The following SLC24A3 variants were observed in gnomAD, a reference collection of about 807,000 sequenced individuals.
SLC24A3 encodes the protein sodium/potassium/calcium exchanger 3.
In SLC24A3, 28 loss-of-function variants were observed where a neutral mutation model predicts 75.8. The observed-to-expected ratio is 0.37, with a 90% confidence interval of 0.27 to 0.51. The LOEUF is 0.51. Ranked by LOEUF, SLC24A3 falls within the 20% of genes least tolerant of loss-of-function variation. The pLI, the probability that SLC24A3 is intolerant of heterozygous loss-of-function variation, is 0.94. For missense variants in SLC24A3, 663 were observed against 847.8 expected (o/e 0.78, Z 2.71); for synonymous variants, 372 against 334.1 (o/e 1.11, Z -1.24).
intron 6 of SLC24A3, among the ~76,000 whole-genome samples, chr20:19,599,034 T>G (rs913605530): frequency 3.3e-5 from 5 of 152,296 alleles, no homozygotes; most frequent in African/African-American, 1.2e-4. Flanking sequence ...GATGTGAAAT[T>G]ACATGCATGA....
chr20:19,484,032 A>G (rs1988095226), intron 2 of SLC24A3, among the ~76,000 whole-genome samples: 2 of 152,200 alleles, frequency 1.3e-5, no homozygotes, highest in South Asian at 2.1e-4. Flanking sequence ...ATATTTGCAC[A>G]CCTATGTTAA....
chr20:19,714,843 A>G (rs2033027590), intron 15 of SLC24A3, among the ~76,000 whole-genome samples: 1 of 152,196 alleles, frequency 6.6e-6, no homozygotes, highest in Admixed American at 6.5e-5. Flanking sequence ...TCCTTTTGAA[A>G]ATGTTTGGCC....
chr20:19,654,810 G>T (rs940978874), intron 7 of SLC24A3, among the ~76,000 whole-genome samples: 1 of 151,886 alleles, frequency 6.6e-6, no homozygotes, highest in African/African-American at 2.4e-5. Context: ...ACCACGGCTG[G>T]CTAATTTTTG....
intron 6 of SLC24A3, among the ~76,000 whole-genome samples, chr20:19,645,020 C>G (rs887320786): frequency 6.6e-6 from 1 of 152,214 alleles, no homozygotes; most frequent in African/African-American, 2.4e-5. Flanking sequence ...TGAGCAATTG[C>G]GTGCTGGATT....
chr20:19,280,679 T>G (rs761466), intron 1 of SLC24A3, among the ~76,000 whole-genome samples: 75,668 of 151,704 alleles, frequency 0.5, 19,400 homozygotes, highest in Middle Eastern at 0.62. Context: ...AGACAGGGAA[T>G]GGGGGGCAGT....
chr20:19,581,786 AT>A (rs1289773735), intron 4 of SLC24A3, among the ~76,000 whole-genome samples: 1 of 152,132 alleles, frequency 6.6e-6, no homozygotes, highest in Non-Finnish European at 1.5e-5. Flanking sequence ...AGTCAGCCTG[AT>A]TTCCAAGTCT....
intron 2 of SLC24A3, among the ~76,000 whole-genome samples, chr20:19,384,676 A>G (rs926454488): frequency 5.9e-5 from 9 of 152,160 alleles, no homozygotes; most frequent in African/African-American, 2.2e-4. Context: ...TACTGATTTC[A>G]TTTCCTTTGG....
intron 2 of SLC24A3, among the ~76,000 whole-genome samples, chr20:19,435,684 C>T (rs1439721892): frequency 3.3e-5 from 5 of 152,176 alleles, no homozygotes; most frequent in South Asian, 2.1e-4. Context: ...CCTGTAGACT[C>T]AGAATCCAAA....
chr20:19,526,065 C>T (rs529322908), intron 3 of SLC24A3, among the ~76,000 whole-genome samples: 6 of 152,262 alleles, frequency 3.9e-5, no homozygotes, highest in East Asian at 1.9e-4. Context: ...ACACCCTCCG[C>T]GGGTGTGCTG....
chr20:19,580,070 G>C lies in SLC24A3; in HGVS notation c.419G>C (p.Cys140Ser). Residue 140 changes from cysteine (C) to serine (S), a missense_variant, in exon 4 of 17, where the codon TGT becomes TCT. Cys to Ser is a moderately radical substitution (Grantham distance 112). Coordinates refer to ENST00000328041, the MANE Select transcript of SLC24A3 (RefSeq NM_020689.4). ...DFFVPSLEKICERLHLSEDVA... is the reference protein window; with the variant it reads ...DFFVPSLEKISERLHLSEDVA... ...TTCGTCCCTTCCTTGGAAAAGATCT[G>C]TGAGGTACGTGCCTCACATTCTTGG... 1 of 1,613,350 alleles carries C rather than the reference G, an allele frequency of 6.2e-7. No homozygotes were observed. The highest frequency in any genetic ancestry group is 1.1e-5 in the South Asian group (1 of 91,058).
At chr20:19,660,751 C>T (rs893414326) in intron 7 of SLC24A3, among the ~76,000 whole-genome samples, 2 of 152,134 alleles carry the variant, frequency 1.3e-5, no homozygotes, top group Non-Finnish European at 2.9e-5. Context: ...GTTGTGCCCT[C>T]ATTACATTTC....
At chr20:19,584,790 G>A (rs1333876546) in intron 4 of SLC24A3, among the ~76,000 whole-genome samples, 181 bp from the exon 5 acceptor site, 1 of 152,230 alleles carries the variant, frequency 6.6e-6, no homozygotes, top group Non-Finnish European at 1.5e-5. Context: ...CAGTGGCTGC[G>A]CTCTGTGAGA....
intron 2 of SLC24A3, among the ~76,000 whole-genome samples, chr20:19,318,754 C>G (rs570384529): frequency 1.3e-5 from 2 of 152,102 alleles, no homozygotes; most frequent in Non-Finnish European, 2.9e-5. Flanking sequence ...GTGGGATGCT[C>G]TTCAGGGCTG....
intron 1 of SLC24A3, among the ~76,000 whole-genome samples, chr20:19,213,873 A>G (rs1417635987): frequency 6.6e-6 from 1 of 152,242 alleles, no homozygotes; most frequent in African/African-American, 2.4e-5. Flanking sequence ...AAATGGTTTT[A>G]TATCCCGGCC....
chr20:19,227,085 T>C (rs1344834001), intron 1 of SLC24A3, among the ~76,000 whole-genome samples: 2 of 152,200 alleles, frequency 1.3e-5, no homozygotes, highest in African/African-American at 4.8e-5. Flanking sequence ...AAATTTGAAA[T>C]CCCAACAGCA....
intron 2 of SLC24A3, among the ~76,000 whole-genome samples, chr20:19,493,316 A>T (rs767224777): frequency 2.4e-4 from 36 of 152,234 alleles, no homozygotes; most frequent in Non-Finnish European, 4.4e-4. Flanking sequence ...TTGGTCTAGG[A>T]TGCATACCTT....
intron 2 of SLC24A3, among the ~76,000 whole-genome samples, chr20:19,307,719 G>C (rs6112306): frequency 6.6e-6 from 1 of 151,964 alleles, no homozygotes. Flanking sequence ...TGTGCACCTA[G>C]GTAACAAACC....
At position 19,278,874 on chromosome 20, in the gene SLC24A3, G is replaced by T. The variant is rs531072521; in HGVS notation, c.143-2085G>T. On this transcript the variant is annotated intron_variant, in intron 1 of 16. Coordinates refer to ENST00000328041, the MANE Select transcript of SLC24A3 (RefSeq NM_020689.4). The stretch of plus-strand genomic sequence containing the variant: ...GGAAGCAGGGTCTGTGTTTGAGGAA[G>T]ACCTCAGTTCATGAGCTACTGATAT... Among the ~76,000 whole-genome samples, 6 of 152,342 alleles carry T rather than the reference G, an allele frequency of 3.9e-5. No homozygotes were observed. The South Asian group carries it at 1.2e-3, about 32-fold the overall frequency.
At chr20:19,693,012 C>CCTCT (rs1042023821) in intron 12 of SLC24A3, among the ~76,000 whole-genome samples, 3 of 152,082 alleles carry the variant, frequency 2.0e-5, no homozygotes, top group African/African-American at 7.2e-5. Flanking sequence ...AGTGATTCAC[C>CCTCT]CTCTCATTTC....
Sources: allele counts gnomAD v4.1 joint callset (sites outside exome capture counted in the v4.1 genomes callset), GRCh38; gene constraint gnomAD v4.1.1; transcripts MANE v1.5; gene names NCBI Gene and HGNC (gene_info 2026-07-23, HGNC 2026-07-21).